Variants in TCF20 observed in about 807,000 individuals in gnomAD.
TCF20 encodes the protein transcription factor 20, also known as SPRE-binding protein.
Under a neutral mutation model 148.6 loss-of-function variants are expected in TCF20, and 3 were observed. The observed-to-expected ratio is 0.02, with a 90% CI of 0.01 to 0.05. TCF20 has a LOEUF of 0.05. Among genes scored for constraint, TCF20 ranks in the 10% least tolerant of loss-of-function variants. TCF20 has a pLI of 1.00. For missense variants in TCF20, 2,350 were observed against 2,429.3 expected, an observed-to-expected ratio of 0.97 and a Z score of 0.69; for synonymous variants, 1,049 against 909.5, an observed-to-expected ratio of 1.15 and a Z score of -2.76.
upstream of TCF20, among the ~76,000 whole-genome samples, chr22:42,273,116 T>G (rs1342030060): frequency 6.8e-6 from 1 of 148,144 alleles, no homozygotes; most frequent in Non-Finnish European, 1.5e-5. Flanking sequence ...ATCCCAGCAC[T>G]TGGGAGGCCA....
At chr22:42,224,926 G>A (rs988565106) in intron 1 of TCF20, among the ~76,000 whole-genome samples, 5 of 151,856 alleles carry the variant, frequency 3.3e-5, no homozygotes, top group African/African-American at 1.2e-4. Context: ...GACTATCCAA[G>A]ATGGCAGTGT....
At chr22:42,237,468 T>C (rs1425590495) in intron 1 of TCF20, among the ~76,000 whole-genome samples, 1 of 152,218 alleles carries the variant, frequency 6.6e-6, no homozygotes, top group Non-Finnish European at 1.5e-5. Context: ...CTCAAAGTCA[T>C]CCATGAGGGC....
intron 1 of TCF20, among the ~76,000 whole-genome samples, chr22:42,231,514 T>C (rs897178645): frequency 3.3e-5 from 5 of 152,132 alleles, no homozygotes; most frequent in African/African-American, 9.7e-5. Context: ...AAAAAGTTTA[T>C]AGAATAACAC....
chr22:42,256,012 A>T (rs533075160), intron 1 of TCF20, among the ~76,000 whole-genome samples: 1 of 152,234 alleles, frequency 6.6e-6, no homozygotes, highest in Non-Finnish European at 1.5e-5. Flanking sequence ...CTTGGTTCCC[A>T]AAAGACCTCT....
Position 42,215,273 on chromosome 22 carries a change from G to A in TCF20, c.33C>T (p.His11=), listed in dbSNP as rs1456848973. MQSFREQSSY[H]GNQQSYPQEV... is the part of the protein sequence containing the mutation. The stretch of plus-strand genomic sequence containing the variant: ...CCTGTGGGTAGCTTTGCTGGTTTCC[G>A]TGGTAACTGCTTTGCTCCCGAAAGG... Residue 11 remains histidine, a synonymous_variant, in exon 2 of 6, where the codon CAC becomes CAT. Coordinates refer to ENST00000677622, the MANE Select transcript of TCF20 (RefSeq NM_001378418.1). The A allele has an allele frequency of 6.8e-6, 11 of 1,613,880 alleles. No individual in the cohort carries two copies. Among genetic ancestry groups the A allele is most frequent in the Non-Finnish European group, 5.9e-6 (7 of 1,179,918 alleles).
chr22:42,247,462 A>T (rs186331542), intron 1 of TCF20, among the ~76,000 whole-genome samples: 5 of 151,412 alleles, frequency 3.3e-5, no homozygotes, highest in African/African-American at 1.2e-4. Context: ...AAAAAAGATA[A>T]GATGGAGAAC....
At position 42,299,495 on chromosome 22, in the gene TCF20, T is replaced by A. The variant is rs527309807; in HGVS notation, c.-37+43984A>T. Among the ~76,000 whole-genome samples the A allele has an allele frequency of 1.3e-4, 20 of 152,310 alleles. No individual in the cohort carries two copies. The highest frequency in any genetic ancestry group is 4.8e-4 in the African/African-American group (20 of 41,576). ...AGGACAAAGGGGCCTCAAGGCCTCA[T>A]GAACAGAACATGCTGGCAGTGGTGG... is the stretch of plus-strand genomic sequence containing the variant. On this transcript the variant is annotated intron_variant, in intron 1 of 1. Transcript: ENST00000515426. This position sits in a 1 kb window ranked among gnomAD's most constrained non-coding sequence, Gnocchi z 4.1.
At chr22:42,174,904 G>A (rs547668947) in intron 3 of TCF20, among the ~76,000 whole-genome samples, 30 of 151,996 alleles carry the variant, frequency 2.0e-4, no homozygotes, top group South Asian at 1.0e-3. Flanking sequence ...GCGTGGCGGC[G>A]GGCGCCTGTA....
intron 1 of TCF20, among the ~76,000 whole-genome samples, chr22:42,231,918 G>C (rs1300851087): frequency 1.1e-5 from 1 of 91,486 alleles, no homozygotes; most frequent in Non-Finnish European, 2.1e-5. Context: ...GACAGAGAGA[G>C]ACTCCGTCTC....
chr22:42,177,495 A>G (rs1936521572), intron 3 of TCF20, among the ~76,000 whole-genome samples: 1 of 152,224 alleles, frequency 6.6e-6, no homozygotes, highest in South Asian at 2.1e-4. Context: ...GAAAACACCC[A>G]CTGAAGGGAC....
At chr22:42,184,091 T>A (rs946063735) in intron 2 of TCF20, among the ~76,000 whole-genome samples, 1 of 152,110 alleles carries the variant, frequency 6.6e-6, no homozygotes, top group Non-Finnish European at 1.5e-5. Flanking sequence ...ATGCAACAGA[T>A]TTCTCCCTCA....
At chr22:42,316,333 C>A (rs1927630830) in intron 1 of TCF20, among the ~76,000 whole-genome samples, 1 of 152,052 alleles carries the variant, frequency 6.6e-6, no homozygotes, top group Non-Finnish European at 1.5e-5. Flanking sequence ...CAAACGCTGA[C>A]CCTGTGAAAA....
At chr22:42,329,916 C>T (rs1220993586) in intron 1 of TCF20, among the ~76,000 whole-genome samples, 2 of 152,140 alleles carry the variant, frequency 1.3e-5, no homozygotes, top group African/African-American at 4.8e-5. Context: ...ATGAACTCAC[C>T]AGGGGCCACC....
chr22:42,174,846 T>C lies in TCF20; in HGVS notation c.5749+4763A>G, dbSNP rs576476108. 3.3e-4 allele frequency among the ~76,000 whole-genome samples: 50 copies of C among 152,168 alleles called. 1 individual carries two copies. Among genetic ancestry groups the C allele is most frequent in the South Asian group, 2.3e-3 (11 of 4,822 alleles). On this transcript the variant is annotated intron_variant, in intron 3 of 5. Coordinates refer to ENST00000677622, the MANE Select transcript of TCF20 (RefSeq NM_001378418.1). ...GTCAGGAGATCGAGACCATCCCGGC[T>C]AACACGGTGAAACCCCGTCTCTACT...
intron 2 of TCF20, among the ~76,000 whole-genome samples, chr22:42,190,434 T>C (rs2031246394): frequency 6.6e-6 from 1 of 151,340 alleles, no homozygotes. Flanking sequence ...CATTCCAGCC[T>C]GGATGACAGG....
At chr22:42,208,492 T>G (rs537441069) in intron 2 of TCF20, among the ~76,000 whole-genome samples, 1 of 152,112 alleles carries the variant, frequency 6.6e-6, no homozygotes, top group Admixed American at 6.5e-5. Flanking sequence ...CTGGGCATGG[T>G]GGCACACACC....
chr22:42,276,015 TTGTTA>T (rs1355281541), intron 1 of TCF20, among the ~76,000 whole-genome samples: 9 of 152,174 alleles, frequency 5.9e-5, no homozygotes, highest in Admixed American at 2.6e-4. Flanking sequence ...CTGCGTTGCT[TTGTTA>T]TAAGATGACA....
At chr22:42,219,278 T>G (rs757999411) in intron 1 of TCF20, among the ~76,000 whole-genome samples, 10 of 144,584 alleles carry the variant, frequency 6.9e-5, no homozygotes, top group Non-Finnish European at 1.2e-4. Context: ...GACGATTGCT[T>G]GAACTCAGGA....
Position 42,292,641 on chromosome 22 carries a change from T to G in TCF20, c.-37+50838A>C, listed in dbSNP as rs1156583926. Among the ~76,000 whole-genome samples the G allele has an allele frequency of 6.6e-6, 1 of 152,012 alleles. No individual in the cohort carries two copies. Among genetic ancestry groups the G allele is most frequent in the Non-Finnish European group, 1.5e-5 (1 of 67,996 alleles). On this transcript the variant is annotated intron_variant, in intron 1 of 1. Transcript: ENST00000515426. The surrounding 1 kb of genome is among the most constrained non-coding windows in gnomAD (Gnocchi z 4.9). ...AAGGCATCCCAGAAGAGGGGGTGTT[T>G]AAGCAGGAACTTGGAGGACAAGGAG...
Sources: allele counts gnomAD v4.1 joint callset (sites outside exome capture counted in the v4.1 genomes callset), GRCh38; gene constraint gnomAD v4.1.1; non-coding constraint Gnocchi (gnomAD v3.1); transcripts MANE v1.5; gene names NCBI Gene and HGNC (gene_info 2026-07-23, HGNC 2026-07-21).